SPHKAP: variants seen among roughly 807,000 people sequenced by gnomAD.
SPHKAP encodes the protein A-kinase anchor protein SPHKAP.
SPHKAP carries 67 observed loss-of-function variants against 137.5 expected under a neutral mutation model. The observed-to-expected ratio is 0.49, with a 90% CI of 0.40 to 0.60. SPHKAP has a LOEUF of 0.60. Ranked by LOEUF, SPHKAP falls within the 20% of genes least tolerant of loss-of-function variation. SPHKAP has a pLI of 0.00. For synonymous variants in SPHKAP, 813 were observed against 785.3 expected (o/e 1.04, Z -0.59); for missense variants, 2,097 against 2,069.3 (o/e 1.01, Z -0.26).
In SPHKAP at chr2:228,108,898, C is replaced by T; in HGVS notation, c.180G>A (p.Trp60Ter). Residue 60 changes from tryptophan to a stop codon, truncating the protein, a stop_gained, in exon 3 of 12, where the codon TGG (tryptophan) becomes TGA (stop). Transcript: ENST00000392056. LOFTEE classifies it high-confidence loss of function. ...GGCAGGGCATCCTCTGATTCTGCAA[C>T]CAGTAGTCTGTTGACTCCAGCAGGC... Reference protein sequence around the residue: ...SNSLLESTDYWLQNQRMPCQI... With the variant: ...SNSLLESTDY The T allele has an allele frequency of 6.2e-7, 1 of 1,610,142 alleles. No homozygotes were observed. The highest frequency in any genetic ancestry group is 8.5e-7 in the Non-Finnish European group (1 of 1,179,172).
In SPHKAP at chr2:228,018,557, G is replaced by A; in HGVS notation, c.2297C>T (p.Thr766Ile). 6.2e-7 allele frequency: 1 copy of A among 1,613,952 alleles called. No individual in the cohort carries two copies. The highest frequency in any genetic ancestry group is 8.5e-7 in the Non-Finnish European group (1 of 1,179,868). Residue 766 changes from threonine to isoleucine, a missense_variant, in exon 7 of 12, where the codon ACT becomes ATT. By Grantham distance (89) the Thr-to-Ile change is moderately conservative. Transcript: ENST00000392056. ...PGASQAWTKA[T>I]ESSSSSPLSN... ...AAGTGGAGAGCTGCTGGAGGATTCAGTGGCTTTTGTCCAAGCTTGACTAGC... is the reference window on the plus strand; with the variant it reads ...AAGTGGAGAGCTGCTGGAGGATTCAATGGCTTTTGTCCAAGCTTGACTAGC...
chr2:228,096,407 A>G (rs1559171447), intron 3 of SPHKAP, among the ~76,000 whole-genome samples: 1 of 152,148 alleles, frequency 6.6e-6, no homozygotes, highest in Non-Finnish European at 1.5e-5. Context: ...TGTACGTTGC[A>G]GACTGGTTCC....
chr2:228,047,689 T>C (rs1468471286), intron 3 of SPHKAP, among the ~76,000 whole-genome samples: 1 of 152,156 alleles, frequency 6.6e-6, no homozygotes, highest in Non-Finnish European at 1.5e-5. Context: ...CTAGGTGTGG[T>C]ATGCAGTGAT....
intron 1 of SPHKAP, among the ~76,000 whole-genome samples, chr2:228,176,862 C>T (rs12615376): frequency 0.12 from 17,758 of 152,074 alleles, 1,055 homozygotes; most frequent in East Asian, 0.2. Context: ...GCAACAAGAG[C>T]GAAACTCCGT....
intron 3 of SPHKAP, among the ~76,000 whole-genome samples, chr2:228,030,983 T>G (rs986942496): frequency 6.6e-5 from 10 of 152,186 alleles, no homozygotes; most frequent in African/African-American, 2.4e-4. Flanking sequence ...TTTCTGCATT[T>G]CTATCTGAGG....
At chr2:228,156,313 T>C (rs1320008960) in intron 1 of SPHKAP, among the ~76,000 whole-genome samples, 1 of 152,212 alleles carries the variant, frequency 6.6e-6, no homozygotes, top group African/African-American at 2.4e-5. Flanking sequence ...TTTATTGCTT[T>C]AAGCAAAATT....
chr2:227,998,426 A>G (rs1247646676), intron 7 of SPHKAP, among the ~76,000 whole-genome samples: 2 of 152,170 alleles, frequency 1.3e-5, no homozygotes, highest in Admixed American at 6.5e-5. Flanking sequence ...GTCATCAAAA[A>G]CTAACAGTAT....
chr2:228,017,617 C>T lies in SPHKAP; in HGVS notation c.3237G>A (p.Lys1079=). Reference sequence around the variant, plus strand: ...CAGGAATGCTTTCGCAGCTGGAGGCCTTCAGCCGGCTCCACCTGTCGCCAC... The same window carrying T: ...CAGGAATGCTTTCGCAGCTGGAGGCTTTCAGCCGGCTCCACCTGTCGCCAC... The part of the protein sequence containing the change: ...LLSGDRWSRL[K]ASSCESIPEE... Residue 1079 remains lysine, a synonymous_variant, in exon 7 of 12, where the codon AAG becomes AAA. Transcript: ENST00000392056. The T allele has an allele frequency of 6.2e-7, 1 of 1,613,956 alleles. No homozygotes were observed. The highest frequency in any genetic ancestry group is 8.5e-7 in the Non-Finnish European group (1 of 1,180,030).
In SPHKAP at chr2:228,079,977, A is replaced by G. The variant is rs187663561; in HGVS notation, c.246+28855T>C. 4.9e-4 allele frequency among the ~76,000 whole-genome samples: 74 copies of G among 152,294 alleles called. 1 individual carries two copies. Among genetic ancestry groups the G allele is most frequent in the African/African-American group, 1.7e-3 (69 of 41,572 alleles). On this transcript the variant is annotated intron_variant, in intron 3 of 11. Coordinates refer to ENST00000392056, the MANE Select transcript of SPHKAP (RefSeq NM_001142644.2). Reference sequence around the variant, plus strand: ...CTTATCTCACACCATAGACAAAACTAAACTCAAAATGGATTAATGATTAAA... The same window carrying G: ...CTTATCTCACACCATAGACAAAACTGAACTCAAAATGGATTAATGATTAAA...
At chr2:228,032,956 GA>G (rs1410848162) in intron 3 of SPHKAP, among the ~76,000 whole-genome samples, 3 of 152,112 alleles carry the variant, frequency 2.0e-5, no homozygotes, top group Non-Finnish European at 4.4e-5. Context: ...AGGCTAGGAA[GA>G]AAACTGCATC....
At chr2:228,036,446 TA>T (rs1261902072) in intron 3 of SPHKAP, among the ~76,000 whole-genome samples, 1 of 152,236 alleles carries the variant, frequency 6.6e-6, no homozygotes, top group Non-Finnish European at 1.5e-5. Context: ...CACTGTAAAC[TA>T]GTTCAACCAT....
At chr2:228,056,993 T>C (rs931354055) in intron 3 of SPHKAP, among the ~76,000 whole-genome samples, 2 of 152,220 alleles carry the variant, frequency 1.3e-5, no homozygotes, top group Non-Finnish European at 2.9e-5. Flanking sequence ...ATTAAATATC[T>C]GCATTTGACA....
At chr2:228,178,905 T>G (rs1700818280) in intron 1 of SPHKAP, among the ~76,000 whole-genome samples, 1 of 152,038 alleles carries the variant, frequency 6.6e-6, no homozygotes, top group Admixed American at 6.5e-5. Context: ...GAATACAGTT[T>G]AATAACTCAA....
chr2:228,012,106 T>C (rs1257173229), intron 7 of SPHKAP, among the ~76,000 whole-genome samples: 2 of 135,324 alleles, frequency 1.5e-5, no homozygotes, highest in Non-Finnish European at 3.0e-5. Context: ...AGGTTGGGGC[T>C]GCGGTGAGCC....
intron 3 of SPHKAP, among the ~76,000 whole-genome samples, chr2:228,067,747 T>A (rs1696874074): frequency 6.6e-6 from 1 of 152,236 alleles, no homozygotes. Flanking sequence ...GAGTTTTATA[T>A]GAATTGTTTA....
Position 228,027,466 on chromosome 2 carries a change from T to C in SPHKAP, c.306+18A>G. On this transcript the variant is annotated intron_variant, in intron 4 of 11. Coordinates refer to ENST00000392056, the MANE Select transcript of SPHKAP (RefSeq NM_001142644.2). ...TCCTTGTAATGACCTCCCGGTCAGC[T>C]TGAGTTTCAAATGTTACCTGTTGCA... 6.2e-7 allele frequency: 1 copy of C among 1,613,508 alleles called. No homozygotes were observed. Among genetic ancestry groups the C allele is most frequent in the Non-Finnish European group, 8.5e-7 (1 of 1,179,536 alleles).
chr2:228,050,757 TG>T (rs1486116159), intron 3 of SPHKAP, among the ~76,000 whole-genome samples: 1 of 152,198 alleles, frequency 6.6e-6, no homozygotes, highest in Non-Finnish European at 1.5e-5. Flanking sequence ...GTGATCTAAG[TG>T]TATAATTTTA....
intron 1 of SPHKAP, among the ~76,000 whole-genome samples, chr2:228,155,968 T>C (rs1305535755): frequency 1.3e-5 from 2 of 152,228 alleles, no homozygotes; most frequent in Non-Finnish European, 2.9e-5. Context: ...ATCCAGTTTA[T>C]TAGCCAGCTT....
chr2:228,147,789 T>G (rs188377861), intron 1 of SPHKAP, among the ~76,000 whole-genome samples: 21 of 152,302 alleles, frequency 1.4e-4, no homozygotes, highest in Admixed American at 1.1e-3. Context: ...GATTTTTACA[T>G]TTGCCACTTT....
Sources: allele counts gnomAD v4.1 joint callset (sites outside exome capture counted in the v4.1 genomes callset), GRCh38; gene constraint gnomAD v4.1.1; transcripts MANE v1.5; gene names NCBI Gene and HGNC (gene_info 2026-07-23, HGNC 2026-07-21).